SOX30: variants seen among roughly 807,000 people sequenced by gnomAD.
The protein encoded by SOX30 is transcription factor SOX-30.
SOX30 carries 17 observed loss-of-function variants against 58.6 expected under a neutral mutation model. The ratio of observed to expected loss-of-function variants is 0.29; its 90% CI spans 0.20 to 0.44. The LOEUF is 0.44. Among genes scored for constraint, SOX30 ranks in the 20% least tolerant of loss-of-function variants. SOX30 has a pLI of 1.00. For synonymous variants in SOX30, 421 were observed against 400.2 expected, an observed-to-expected ratio of 1.05 and a Z score of -0.62; for missense variants, 951 against 965.8, an observed-to-expected ratio of 0.98 and a Z score of 0.20.
At chr5:157,641,116 C>T (rs920116257) in intron 3 of SOX30, among the ~76,000 whole-genome samples, 3 of 152,072 alleles carry the variant, frequency 2.0e-5, no homozygotes, top group Admixed American at 6.6e-5. Context: ...AGGGTGGGTG[C>T]CATGGCTCAC....
chr5:157,644,640 G>C (rs1759145297), intron 3 of SOX30, among the ~76,000 whole-genome samples: 1 of 152,048 alleles, frequency 6.6e-6, no homozygotes, highest in Admixed American at 6.6e-5. Flanking sequence ...GTGAGGTCTT[G>C]GAAAAAGGGA....
intron 4 of SOX30, among the ~76,000 whole-genome samples, chr5:157,630,930 TTA>T (rs1207207784): frequency 0.038 from 4,261 of 111,892 alleles, 84 homozygotes; most frequent in Middle Eastern, 0.067. Context: ...ATATTATATA[TTA>T]TATATATATA....
At chr5:157,641,879 A>C (rs959617295) in intron 3 of SOX30, among the ~76,000 whole-genome samples, 12 of 152,214 alleles carry the variant, frequency 7.9e-5, no homozygotes, top group African/African-American at 2.9e-4. Flanking sequence ...TCACTGTTAC[A>C]GGGGAGAATA....
intron 4 of SOX30, among the ~76,000 whole-genome samples, chr5:157,628,427 A>G (rs1758713618): frequency 6.6e-6 from 1 of 151,106 alleles, no homozygotes; most frequent in South Asian, 2.1e-4. Context: ...TTGTTACCTT[A>G]CTTTTAAAAA....
Position 157,652,343 on chromosome 5 carries a change from C to T in SOX30, c.-265G>A. On this transcript the variant is annotated 5_prime_UTR_variant, in exon 1 of 5. Transcript: ENST00000265007. ...GAATCACCTGCCATGGTAGGAGCCG[C>T]CGCACTTGTTGCACATTTTCGTTCT... The T allele has an allele frequency of 8.3e-7, 1 of 1,199,296 alleles. No individual in the cohort carries two copies. The highest frequency in any genetic ancestry group is 1.0e-6 in the Non-Finnish European group (1 of 968,156). The allele number at this position is 1,199,296 out of a possible 1,614,324, so 74.3% of individuals were successfully genotyped here. A position where few individuals can be genotyped will look rare whatever the true frequency, so the allele number is the denominator to read the frequency against.
rs186578296 is a variant in SOX30 at position 157,627,863 on chromosome 5, G to A, written c.1881-1142C>T. Among the ~76,000 whole-genome samples the A allele has an allele frequency of 3.2e-3, 488 of 152,070 alleles. 4 individuals carry two copies. Among genetic ancestry groups the A allele is most frequent in the African/African-American group, 0.011 (448 of 41,482 alleles). ...CAAAAAATTAGCCAGGCGTGGTGGC[G>A]GGCGCCTGTAGTCCCAGCTACTCAG... On this transcript the variant is annotated intron_variant, in intron 4 of 4. Coordinates refer to ENST00000265007, the MANE Select transcript of SOX30 (RefSeq NM_178424.2).
upstream of SOX30, among the ~76,000 whole-genome samples, chr5:157,654,927 C>A (rs1759442496): frequency 6.6e-6 from 1 of 152,238 alleles, no homozygotes; most frequent in Non-Finnish European, 1.5e-5. Context: ...GGGCAACCAG[C>A]AGCCCTTGGG....
intron 2 of SOX30, among the ~76,000 whole-genome samples, chr5:157,661,219 G>A (rs1386996931): frequency 6.6e-6 from 1 of 152,172 alleles, no homozygotes; most frequent in African/African-American, 2.4e-5. Flanking sequence ...CCCAGTCTTA[G>A]GAAGAAAGCA....
intron 2 of SOX30, among the ~76,000 whole-genome samples, chr5:157,666,129 G>A (rs1273560678): frequency 6.6e-6 from 1 of 151,944 alleles, no homozygotes; most frequent in African/African-American, 2.4e-5. Flanking sequence ...AAGGAGATTG[G>A]CCAAAGGTTT....
At chr5:157,659,340 T>C (rs1328767484) in intron 2 of SOX30, among the ~76,000 whole-genome samples, 4 of 152,154 alleles carry the variant, frequency 2.6e-5, no homozygotes, top group South Asian at 4.1e-4. Flanking sequence ...CAGTAAGTGC[T>C]AGGATCCTGT....
rs369841660 is a variant in SOX30, at chr5:157,652,135, C to T, written c.-57G>A. The T allele has an allele frequency of 3.3e-4, 459 of 1,381,408 alleles. 4 individuals are homozygous for T. The South Asian group carries it at 6.0e-3, about 18-fold the overall frequency. The allele number at this position is 1,381,408 out of a possible 1,614,324, so 85.6% of individuals were successfully genotyped here. On this transcript the variant is annotated 5_prime_UTR_variant, in exon 1 of 5. Transcript: ENST00000265007. Reference sequence around the variant, plus strand: ...AGCTCAGCCGTTTGTTGGCGACCTTCCCCCTCCCCCTTTCGGTTAAGAGCC... The same window carrying T: ...AGCTCAGCCGTTTGTTGGCGACCTTTCCCCTCCCCCTTTCGGTTAAGAGCC...
chr5:157,627,944 C>A (rs942487924), intron 4 of SOX30, among the ~76,000 whole-genome samples: 1 of 150,908 alleles, frequency 6.6e-6, no homozygotes, highest in South Asian at 2.1e-4. Flanking sequence ...CAGTGAGCCG[C>A]GATCACGCCA....
chr5:157,644,946 A>G (rs898104114), intron 3 of SOX30, among the ~76,000 whole-genome samples: 10 of 152,126 alleles, frequency 6.6e-5, no homozygotes, highest in Non-Finnish European at 1.0e-4. Flanking sequence ...GCGCCACTAC[A>G]CTCCATCTTG....
At chr5:157,646,575 C>A in intron 3 of SOX30, 62 bp downstream of exon 3, 1 of 1,246,596 alleles carries the variant, frequency 8.0e-7, no homozygotes, top group Non-Finnish European at 1.1e-6. Context: ...ACACTTCAAA[C>A]TTGAGGTAAA....
At chr5:157,661,692 G>C (rs1470898349) in intron 2 of SOX30, among the ~76,000 whole-genome samples, 2 of 152,224 alleles carry the variant, frequency 1.3e-5, no homozygotes, top group Non-Finnish European at 2.9e-5. Context: ...CAGATGTTAA[G>C]CTAAAGAACA....
intron 4 of SOX30, among the ~76,000 whole-genome samples, chr5:157,632,315 C>A (rs1758833330): frequency 6.6e-6 from 1 of 152,200 alleles, no homozygotes; most frequent in Admixed American, 6.5e-5. Flanking sequence ...TCACCGAATA[C>A]TCAAGAGGGA....
At position 157,638,320 on chromosome 5, in the gene SOX30, A is replaced by G; in HGVS notation, c.1790T>C (p.Leu597Pro). Residue 597 changes from leucine to proline, a missense_variant, in exon 4 of 5, where the codon CTT (leucine) becomes CCT (proline). By Grantham distance (98) the Leu-to-Pro change is moderately conservative (BLOSUM62 -3). This residue lies in a region of SOX30 where 381 missense variants were observed against 390.0 expected (regional missense o/e 0.98). Transcript: ENST00000265007. The part of the protein sequence containing the change: ...PHPHVYQPPP[L>P]GHPATLFGTP... The stretch of plus-strand genomic sequence containing the variant: ...CCCGAACAGTGTGGCTGGATGGCCA[A>G]GGGGAGGGGGCTGGTAGACATGTGG... The G allele has an allele frequency of 6.2e-7, 1 of 1,610,790 alleles. No individual in the cohort carries two copies. Among genetic ancestry groups the G allele is most frequent in the Admixed American group, 1.7e-5 (1 of 59,862 alleles).
chr5:157,658,269 T>A (rs1378074289), intron 2 of SOX30, among the ~76,000 whole-genome samples: 2 of 152,198 alleles, frequency 1.3e-5, no homozygotes, highest in Non-Finnish European at 2.9e-5. Flanking sequence ...GTAAAGCAAA[T>A]CAGTCTTACC....
At chr5:157,650,795 T>A (rs1759309531) in intron 1 of SOX30, among the ~76,000 whole-genome samples, 1 of 152,236 alleles carries the variant, frequency 6.6e-6, no homozygotes, top group East Asian at 1.9e-4. Context: ...TAATCTTGAT[T>A]ATTTGTAGCA....
Sources: allele counts gnomAD v4.1 joint callset (sites outside exome capture counted in the v4.1 genomes callset), GRCh38; gene constraint gnomAD v4.1.1; regional missense constraint gnomAD v4.1.1; transcripts MANE v1.5; gene names NCBI Gene and HGNC (gene_info 2026-07-23, HGNC 2026-07-21).